GALNT17: variants seen among roughly 807,000 people sequenced by gnomAD.
GALNT17 encodes the protein UDP-GalNAc:polypeptide N-acetylgalactosaminyltransferase-like 3.
Under a neutral mutation model 63.7 loss-of-function variants are expected in GALNT17, and 29 were observed. The observed-to-expected ratio is 0.46, with a 90% CI of 0.34 to 0.62. The LOEUF (loss-of-function observed/expected upper bound fraction) is 0.62. Ranked by LOEUF, GALNT17 falls within the 20% of genes least tolerant of loss-of-function variation. The probability of loss-of-function intolerance (pLI) is 0.01; values close to 1 mark genes in which losing one functional copy is unlikely to be tolerated. For synonymous variants in GALNT17, 305 were observed against 318.3 expected (o/e 0.96, Z 0.45); for missense variants, 603 against 799.6 (o/e 0.75, Z 2.97).
At chr7:71,388,887 T>C (rs748647121) in intron 3 of GALNT17, among the ~76,000 whole-genome samples, 17 of 152,054 alleles carry the variant, frequency 1.1e-4, no homozygotes, top group Non-Finnish European at 2.2e-4. Flanking sequence ...TTGAGTCCTC[T>C]AGAGCAGGGG....
intron 5 of GALNT17, among the ~76,000 whole-genome samples, chr7:71,507,544 G>A (rs768057444): frequency 6.6e-6 from 1 of 152,144 alleles, no homozygotes; most frequent in Non-Finnish European, 1.5e-5. Context: ...CCCTGGGTCC[G>A]CCTTTGACCC....
Position 71,325,472 on chromosome 7 carries a change from A to G in GALNT17, c.239-10078A>G, listed in dbSNP as rs1363221479. Among the ~76,000 whole-genome samples, 3 of 152,204 alleles carry G rather than the reference A, an allele frequency of 2.0e-5. No individual in the cohort carries two copies. In the East Asian group the frequency reaches 5.8e-4, roughly 29 times the overall value. Reference sequence around the variant, plus strand: ...CAGATTGCATTTTGCTGTGGTCACCATCTATCCTGGAGTTTGTGCCTCCAT... The same window carrying G: ...CAGATTGCATTTTGCTGTGGTCACCGTCTATCCTGGAGTTTGTGCCTCCAT... On this transcript the variant is annotated intron_variant, in intron 1 of 10. Coordinates refer to ENST00000333538, the MANE Select transcript of GALNT17 (RefSeq NM_022479.3).
chr7:71,155,601 CTATT>C (rs1788220515), intron 1 of GALNT17, among the ~76,000 whole-genome samples: 1 of 151,414 alleles, frequency 6.6e-6, no homozygotes, highest in South Asian at 2.1e-4. Context: ...CTTTTTTCTT[CTATT>C]TATTTATTTT....
At chr7:71,290,816 G>A (rs1356941252) in intron 1 of GALNT17, among the ~76,000 whole-genome samples, 4 of 152,158 alleles carry the variant, frequency 2.6e-5, no homozygotes, top group African/African-American at 9.7e-5. Context: ...CCAGAGAGCC[G>A]TGTTTGTTTA....
rs773463748 is a variant in GALNT17 at position 71,347,610 on chromosome 7, A to G, written c.422+11877A>G. ...ACATGGAAAACTTTAATCTAGGACAATGGGCATTTCCTTGTCCCCAAGCAG... is the reference window on the plus strand; with the variant it reads ...ACATGGAAAACTTTAATCTAGGACAGTGGGCATTTCCTTGTCCCCAAGCAG... On this transcript the variant is annotated intron_variant, in intron 2 of 10. Coordinates refer to ENST00000333538, the MANE Select transcript of GALNT17 (RefSeq NM_022479.3). Among the ~76,000 whole-genome samples the G allele has an allele frequency of 3.6e-4, 52 of 142,592 alleles. 1 individual carries two copies. Among genetic ancestry groups the G allele is most frequent in the Admixed American group, 1.6e-3 (22 of 14,098 alleles). 93.5% of individuals were successfully genotyped at this position (142,592 alleles called of 152,430 possible).
intron 5 of GALNT17, among the ~76,000 whole-genome samples, chr7:71,439,251 T>C (rs150338976): frequency 7.2e-5 from 11 of 152,240 alleles, no homozygotes; most frequent in African/African-American, 2.6e-4. Context: ...AAGGGACTCA[T>C]GTTCTTGAAG....
chr7:71,272,281 A>G (rs959672661), intron 1 of GALNT17, among the ~76,000 whole-genome samples: 1 of 152,234 alleles, frequency 6.6e-6, no homozygotes, highest in African/African-American at 2.4e-5. Context: ...TAAATCTTCT[A>G]TTAAACATTC....
intron 5 of GALNT17, among the ~76,000 whole-genome samples, chr7:71,481,857 C>T (rs1461053176): frequency 6.6e-6 from 1 of 152,048 alleles, no homozygotes; most frequent in Non-Finnish European, 1.5e-5. Context: ...TTGTGGGTTT[C>T]AGCTTGTTCT....
chr7:71,332,496 G>A (rs1791823775), intron 1 of GALNT17, among the ~76,000 whole-genome samples: 1 of 152,080 alleles, frequency 6.6e-6, no homozygotes. Context: ...ACCTTGAGGA[G>A]TTTCCCTTTC....
intron 5 of GALNT17, among the ~76,000 whole-genome samples, chr7:71,425,984 GAGAGAA>G (rs1243725988): frequency 1.3e-5 from 2 of 152,152 alleles, no homozygotes; most frequent in African/African-American, 4.8e-5. Flanking sequence ...GGAGGAAGAA[GAGAGAA>G]GGAGAAGGTG....
At chr7:71,428,281 C>G (rs1038203979) in intron 5 of GALNT17, among the ~76,000 whole-genome samples, 3 of 152,092 alleles carry the variant, frequency 2.0e-5, no homozygotes, top group Non-Finnish European at 4.4e-5. Context: ...TGAAGGCTGC[C>G]AATCTACTTT....
chr7:71,146,897 G>T (rs992068350), intron 1 of GALNT17, among the ~76,000 whole-genome samples: 4 of 152,188 alleles, frequency 2.6e-5, no homozygotes, highest in African/African-American at 9.6e-5. Context: ...AGTTAATGGG[G>T]AACAGGGTTC....
intron 9 of GALNT17, among the ~76,000 whole-genome samples, chr7:71,695,936 A>C (rs1043569652): frequency 2.0e-5 from 3 of 152,156 alleles, no homozygotes; most frequent in African/African-American, 7.2e-5. Context: ...AACACCCAGG[A>C]TAATAAAGGA....
chr7:71,582,654 A>G (rs996479254), intron 6 of GALNT17, among the ~76,000 whole-genome samples: 1 of 152,178 alleles, frequency 6.6e-6, no homozygotes, highest in East Asian at 1.9e-4. Context: ...GAATGAATTA[A>G]TGGCATTTGC....
intron 2 of GALNT17, among the ~76,000 whole-genome samples, chr7:71,342,181 C>T (rs1353071876): frequency 6.6e-6 from 1 of 152,126 alleles, no homozygotes; most frequent in Non-Finnish European, 1.5e-5. Flanking sequence ...CTCCAGGAAG[C>T]ATGGTGCTTG....
At chr7:71,155,295 A>G (rs1416810387) in intron 1 of GALNT17, among the ~76,000 whole-genome samples, 1 of 151,628 alleles carries the variant, frequency 6.6e-6, no homozygotes, top group Non-Finnish European at 1.5e-5. Context: ...TCTTTTGGAG[A>G]CAGGGTCTCA....
chr7:71,231,856 A>G (rs1022304898), intron 1 of GALNT17, among the ~76,000 whole-genome samples: 16 of 151,956 alleles, frequency 1.1e-4, no homozygotes, highest in African/African-American at 3.6e-4. Context: ...TCATGACACC[A>G]TCTAAACCTA....
At chr7:71,621,809 C>G (rs1412670034) in intron 6 of GALNT17, among the ~76,000 whole-genome samples, 1 of 152,172 alleles carries the variant, frequency 6.6e-6, no homozygotes, top group Admixed American at 6.5e-5. Flanking sequence ...CCCTTGGCCT[C>G]TCTTCCAGAT....
intron 9 of GALNT17, among the ~76,000 whole-genome samples, chr7:71,702,243 A>G (rs1791662127): frequency 1.3e-5 from 2 of 152,164 alleles, no homozygotes. Flanking sequence ...CAATATATCC[A>G]TGTAACAAAT....
Sources: allele counts gnomAD v4.1 joint callset (sites outside exome capture counted in the v4.1 genomes callset), GRCh38; gene constraint gnomAD v4.1.1; transcripts MANE v1.5; gene names NCBI Gene and HGNC (gene_info 2026-07-23, HGNC 2026-07-21).